The following FGF1 variants were observed in gnomAD, a reference collection of about 807,000 sequenced individuals.
FGF1 encodes fibroblast growth factor 1, also known as beta-endothelial cell growth factor.
In FGF1, 9 loss-of-function variants were observed where a neutral mutation model predicts 13.4. That is an observed-to-expected ratio of 0.67 (90% confidence interval 0.40 to 1.17). The LOEUF (loss-of-function observed/expected upper bound fraction) is 1.17. Ranked by LOEUF, FGF1 falls within the 50% of genes most tolerant of loss-of-function variation. The pLI is 0.01. For synonymous variants in FGF1, 93 were observed against 79.0 expected, an observed-to-expected ratio of 1.18 and a Z score of -0.94; for missense variants, 156 against 192.7, an observed-to-expected ratio of 0.81 and a Z score of 1.13.
At chr5:142,646,027 G>A (rs991513210) in intron 1 of FGF1, among the ~76,000 whole-genome samples, 6 of 152,010 alleles carry the variant, frequency 3.9e-5, no homozygotes, top group African/African-American at 1.5e-4. Context: ...TCCTGCCTCA[G>A]CTTCCCAAGT....
At chr5:142,666,543 C>CA (rs111227134) in intron 1 of FGF1, among the ~76,000 whole-genome samples, 42,960 of 151,512 alleles carry the variant, frequency 0.28, 6,992 homozygotes, top group African/African-American at 0.45. Context: ...ATGTTCCCCA[C>CA]AAAAAAAACC....
Position 142,594,993 on chromosome 5 carries a change from C to T in FGF1, c.*297G>A. The T allele has an allele frequency of 3.1e-6, 1 of 324,616 alleles. No individual in the cohort carries two copies. Among genetic ancestry groups the T allele is most frequent in the Middle Eastern group, 8.5e-4 (1 of 1,176 alleles). 20.1% of individuals were successfully genotyped at this position (324,616 alleles called of 1,614,324 possible). A position where few individuals can be genotyped will look rare whatever the true frequency, so the allele number is the denominator to read the frequency against. On this transcript the variant is annotated 3_prime_UTR_variant, in exon 4 of 4. Coordinates refer to ENST00000337706, the MANE Select transcript of FGF1 (RefSeq NM_000800.5). ...CGACCCCTTAACACACTTCATTTAG[C>T]CCCACTTTTGCATGGAGGGACTCAG...
At chr5:142,635,149 C>T (rs1275093954) in intron 1 of FGF1, among the ~76,000 whole-genome samples, 3 of 152,160 alleles carry the variant, frequency 2.0e-5, no homozygotes, top group Non-Finnish European at 2.9e-5. Flanking sequence ...CCCTGTGGCT[C>T]TGCACTAACT....
chr5:142,645,098 C>A (rs1765792327), intron 1 of FGF1, among the ~76,000 whole-genome samples: 1 of 152,106 alleles, frequency 6.6e-6, no homozygotes, highest in South Asian at 2.1e-4. Flanking sequence ...AGCTTTAAAC[C>A]CTGGCTTGTA....
At chr5:142,681,876 G>C (rs1773766223) in intron 1 of FGF1, among the ~76,000 whole-genome samples, 1 of 152,180 alleles carries the variant, frequency 6.6e-6, no homozygotes, top group African/African-American at 2.4e-5. Flanking sequence ...TTACAGCCAA[G>C]CACAGTGCTT....
chr5:142,694,127 C>G (rs1247270997), intron 2 of FGF1, among the ~76,000 whole-genome samples: 1 of 149,840 alleles, frequency 6.7e-6, no homozygotes, highest in Non-Finnish European at 1.5e-5. Context: ...ATCTATCTAT[C>G]TATCTATCTA....
rs1561492562 is a variant in FGF1, at chr5:142,593,947, G to C, written c.*1343C>G. 1 of 152,598 alleles carries C rather than the reference G, an allele frequency of 6.6e-6. No homozygotes were observed. Among genetic ancestry groups the C allele is most frequent in the Non-Finnish European group, 1.5e-5 (1 of 68,034 alleles). The allele number at this position is 152,598 out of a possible 1,614,324, so 9.5% of individuals were successfully genotyped here. On this transcript the variant is annotated 3_prime_UTR_variant, in exon 4 of 4. Transcript: ENST00000337706. Reference sequence around the variant, plus strand: ...AATGGTAATACAAATGGTCTCCTGGGAAAAGCTGTTGGTAAGGGTTTAACA... The same window carrying C: ...AATGGTAATACAAATGGTCTCCTGGCAAAAGCTGTTGGTAAGGGTTTAACA...
intron 1 of FGF1, among the ~76,000 whole-genome samples, chr5:142,649,467 C>T (rs566957144): frequency 8.6e-5 from 13 of 151,818 alleles, no homozygotes; most frequent in Admixed American, 2.0e-4. Flanking sequence ...AGTGCAGTGG[C>T]GCGATCTCTG....
intron 1 of FGF1, among the ~76,000 whole-genome samples, chr5:142,655,219 G>A (rs1032867809): frequency 6.6e-6 from 1 of 152,126 alleles, no homozygotes; most frequent in African/African-American, 2.4e-5. Context: ...CATGATGGAG[G>A]CTTCGGTAAC....
rs775388010 is a variant in FGF1, at chr5:142,592,331, G to A, written c.*2959C>T. On this transcript the variant is annotated 3_prime_UTR_variant, in exon 4 of 4. Transcript: ENST00000337706. ...CAGTACACTCAAGGCTGAGGACTTG[G>A]CGCCTTGGGTTCCTTTGCCTCTGAC... 2.5e-6 allele frequency: 1 copy of A among 398,558 alleles called. No homozygotes were observed. Among genetic ancestry groups the A allele is most frequent in the African/African-American group, 2.1e-5 (1 of 48,736 alleles). 24.7% of individuals were successfully genotyped at this position (398,558 alleles called of 1,614,324 possible). A position where few individuals can be genotyped will look rare whatever the true frequency, so the allele number is the denominator to read the frequency against.
intron 1 of FGF1, 85 bp from the exon 2 acceptor site, chr5:142,614,246 G>A: frequency 1.8e-6 from 2 of 1,083,066 alleles, no homozygotes; most frequent in Admixed American, 2.3e-5. Context: ...CAGCTCCAGG[G>A]CACAGGGTTC....
chr5:142,627,456 A>G (rs564045535), intron 1 of FGF1, among the ~76,000 whole-genome samples: 1 of 152,364 alleles, frequency 6.6e-6, no homozygotes, highest in Non-Finnish European at 1.5e-5. Context: ...GACAAAACTC[A>G]CATTTCTACT....
intron 1 of FGF1, among the ~76,000 whole-genome samples, chr5:142,637,518 A>C (rs1211133553): frequency 2.0e-5 from 3 of 151,862 alleles, no homozygotes; most frequent in Non-Finnish European, 1.5e-5. Flanking sequence ...ACAGGGTTTC[A>C]CCATGTTAGC....
chr5:142,636,998 C>T (rs981671154), intron 1 of FGF1, among the ~76,000 whole-genome samples: 2 of 151,920 alleles, frequency 1.3e-5, no homozygotes, highest in Non-Finnish European at 2.9e-5. Flanking sequence ...GGAGGAAAGG[C>T]AAGGAAATCA....
chr5:142,637,603 G>A (rs961829164), intron 1 of FGF1, among the ~76,000 whole-genome samples: 16 of 152,034 alleles, frequency 1.1e-4, no homozygotes, highest in Admixed American at 5.2e-4. Context: ...ACAGGTGTGA[G>A]CCACCATGCC....
intron 2 of FGF1, among the ~76,000 whole-genome samples, chr5:142,694,448 A>G (rs1240703574): frequency 6.6e-6 from 1 of 152,260 alleles, no homozygotes; most frequent in Admixed American, 6.5e-5. Context: ...TGCATCAAAG[A>G]AACAAGATAC....
Position 142,613,934 on chromosome 5 carries a change from G to A in FGF1, c.169+25C>T. The A allele has an allele frequency of 3.1e-6, 5 of 1,608,810 alleles. 1 individual carries two copies. The highest frequency in any genetic ancestry group is 2.2e-5 in the South Asian group (2 of 90,364). On this transcript the variant is annotated intron_variant, in intron 2 of 3. Transcript: ENST00000337706. The stretch of plus-strand genomic sequence containing the variant: ...CTACAGAAGATGTCAGAAAGGGAAG[G>A]GGGGTGCCATAGAGATGGGCTTACT...
At chr5:142,607,613 G>T (rs545771188) in intron 2 of FGF1, among the ~76,000 whole-genome samples, 3 of 152,328 alleles carry the variant, frequency 2.0e-5, no homozygotes, top group African/African-American at 7.2e-5. Context: ...CGGGAAGAGG[G>T]CTGGAAGTGT....
intron 1 of FGF1, among the ~76,000 whole-genome samples, chr5:142,618,921 G>C (rs1210868097): frequency 1.8e-5 from 2 of 108,358 alleles, no homozygotes; most frequent in African/African-American, 6.5e-5. Context: ...TTATTTTTTA[G>C]TTGTTTTGTT....
Sources: gnomAD v4.1 joint callset for allele counts (sites outside exome capture counted in the v4.1 genomes callset) on GRCh38, gnomAD v4.1.1 for gene constraint, MANE v1.5 for transcripts, NCBI Gene and HGNC (gene_info 2026-07-23, HGNC 2026-07-21) for gene names.